Variants in CRYBG3 observed in about 807,000 individuals in gnomAD.
The protein encoded by CRYBG3 is crystallin beta-gamma domain containing 3.
Under a neutral mutation model 244.2 loss-of-function variants are expected in CRYBG3, and 127 were observed. The ratio of observed to expected loss-of-function variants is 0.52; its 90% CI spans 0.45 to 0.60. The LOEUF is 0.60. Ranked by LOEUF, CRYBG3 falls within the 20% of genes least tolerant of loss-of-function variation. The pLI is 0.00. For missense variants in CRYBG3, 3,325 were observed against 3,442.5 expected (o/e 0.97, Z 0.85); for synonymous variants, 1,132 against 1,195.8 (o/e 0.95, Z 1.10).
chr3:97,935,679 A>C (rs1267326856), intron 18 of CRYBG3, among the ~76,000 whole-genome samples: 3 of 152,030 alleles, frequency 2.0e-5, no homozygotes, highest in African/African-American at 7.2e-5. Context: ...TTTAATCTGG[A>C]AAATCGAGGG....
rs1198884731 is a variant in CRYBG3 at position 97,881,179 on chromosome 3, A to G, written c.7112A>G (p.Gln2371Arg). 1.2e-6 allele frequency: 2 copies of G among 1,611,022 alleles called. No homozygotes were observed. Among genetic ancestry groups the G allele is most frequent in the Non-Finnish European group, 1.7e-6 (2 of 1,178,544 alleles). ...DWILQNRRHPQRNFILGSLKR... is the reference protein window; with the variant it reads ...DWILQNRRHPRRNFILGSLKR... ...ATTCTTCAGAACAGAAGGCATCCAC[A>G]AAGAAACTTTATATTGGGTTCTCTC... Residue 2371 changes from glutamine to arginine, a missense_variant, in exon 7 of 22, where the codon CAA (glutamine) becomes CGA (arginine). Coordinates refer to ENST00000389622, the MANE Select transcript of CRYBG3 (RefSeq NM_153605.4).
At chr3:97,897,225 A>G (rs2039649542) in intron 12 of CRYBG3, among the ~76,000 whole-genome samples, 1 of 151,994 alleles carries the variant, frequency 6.6e-6, no homozygotes, top group South Asian at 2.1e-4. Context: ...TAATGGATAC[A>G]TAAGATCTCC....
Position 97,872,714 on chromosome 3 carries a change from T to A in CRYBG3, c.1520T>A (p.Val507Glu). 1 of 1,535,952 alleles carries A rather than the reference T, an allele frequency of 6.5e-7. No homozygotes were observed. The highest frequency in any genetic ancestry group is 8.7e-7 in the Non-Finnish European group (1 of 1,146,812). ...QRHAVTDTEF[V>E]NEGKRLSAQD... ...CATGCTGTGACAGACACAGAATTTG[T>A]AAATGAAGGAAAGAGATTGTCTGCC... The change falls in exon 4 of 22, where the codon GTA (valine) becomes GAA (glutamate). Residue 507 changes from valine (V) to glutamate (E), a missense_variant. Transcript: ENST00000389622.
chr3:97,941,286 C>G lies in CRYBG3; in HGVS notation c.8644C>G (p.Arg2882Gly), dbSNP rs538222856. ...GAATACTCAGATCTGGTACTACTGC[C>G]GAGGACTCTTTAAATCCAAGGTAAG... ...GKNTQIWYYCRGLFKSKASDT... is the reference protein window; with the variant it reads ...GKNTQIWYYCGGLFKSKASDT... Residue 2882 changes from arginine to glycine, a missense_variant, in exon 20 of 22, where the codon CGA becomes GGA. Arg to Gly is a moderately radical substitution (Grantham distance 125). Around this residue, in one of 4 missense-constraint regions of CRYBG3, gnomAD observed 714 missense variants for 803.6 expected, o/e 0.89. Coordinates refer to ENST00000389622, the MANE Select transcript of CRYBG3 (RefSeq NM_153605.4). The G allele has an allele frequency of 1.2e-6, 2 of 1,608,620 alleles. No individual in the cohort carries two copies. The highest frequency in any genetic ancestry group is 1.1e-5 in the South Asian group (1 of 90,472).
rs1381601985 is a variant in CRYBG3 at position 97,915,712 on chromosome 3, C to T, written c.8217C>T (p.Val2739=). The change falls in exon 17 of 22, where the codon GTC becomes GTT. Residue 2739 remains valine, a synonymous_variant. Coordinates refer to ENST00000389622, the MANE Select transcript of CRYBG3 (RefSeq NM_153605.4). ...CCTGCGGTTGCCCAGCATCTAAAGT[C>T]AAATCTCTCAAGCCCATTGACTATG... The part of the protein sequence containing the change: ...LTSCGCPASK[V]KSLKPIDYVF... 8.7e-6 allele frequency: 14 copies of T among 1,612,040 alleles called. No homozygotes were observed. The highest frequency in any genetic ancestry group is 1.2e-5 in the Non-Finnish European group (14 of 1,178,636).
chr3:97,883,796 T>G (rs2039477383), intron 7 of CRYBG3, among the ~76,000 whole-genome samples: 1 of 152,224 alleles, frequency 6.6e-6, no homozygotes, highest in Non-Finnish European at 1.5e-5. Context: ...AACTGCTTCC[T>G]TTTTCCAACG....
At chr3:97,871,668 A>G (rs193169792) in intron 3 of CRYBG3, among the ~76,000 whole-genome samples, 174 bp from the exon 4 acceptor site, 1 of 152,196 alleles carries the variant, frequency 6.6e-6, no homozygotes, top group African/African-American at 2.4e-5. Flanking sequence ...CTACTTGTTA[A>G]ATTTTTATTA....
At chr3:97,898,232 A>G (rs1243167590) in intron 12 of CRYBG3, among the ~76,000 whole-genome samples, 4 of 151,928 alleles carry the variant, frequency 2.6e-5, no homozygotes, top group East Asian at 1.9e-4. Flanking sequence ...AAAAAAAAAA[A>G]AAAGAAAGAA....
chr3:97,924,773 AT>A (rs1403474756), intron 17 of CRYBG3, among the ~76,000 whole-genome samples: 6 of 152,034 alleles, frequency 3.9e-5, no homozygotes, highest in African/African-American at 1.4e-4. Flanking sequence ...AATCTAGATG[AT>A]TGTGCCTATC....
chr3:97,916,339 TC>T (rs2039928884), intron 17 of CRYBG3, among the ~76,000 whole-genome samples: 1 of 152,172 alleles, frequency 6.6e-6, no homozygotes, highest in Non-Finnish European at 1.5e-5. Context: ...CCAGGGCCTT[TC>T]TGTCTGGTGT....
At chr3:97,883,768 A>C (rs1218415726) in intron 7 of CRYBG3, among the ~76,000 whole-genome samples, 2 of 152,188 alleles carry the variant, frequency 1.3e-5, no homozygotes, top group Admixed American at 6.5e-5. Flanking sequence ...TATTTTACAA[A>C]GTAATAATTA....
At position 97,912,260 on chromosome 3, in the gene CRYBG3, A is replaced by G. The variant is rs762548771; in HGVS notation, c.8098A>G (p.Lys2700Glu). ...GACTTCACTCATGCCATGTTCTTTT[A>G]AAGTTCTTCGAGGTTGGTAAGTATG... ...DLTSLMPCSF[K>E]VLRGCWLLYY... Residue 2700 changes from lysine (K) to glutamate (E), a missense_variant, in exon 16 of 22, where the codon AAA becomes GAA. Lys to Glu is a moderately conservative substitution (Grantham distance 56). Coordinates refer to ENST00000389622, the MANE Select transcript of CRYBG3 (RefSeq NM_153605.4). 3.1e-6 allele frequency: 5 copies of G among 1,595,208 alleles called. No individual in the cohort carries two copies. In the South Asian group the frequency reaches 5.6e-5, roughly 18 times the overall value.
intron 15 of CRYBG3, among the ~76,000 whole-genome samples, chr3:97,906,040 A>G (rs2039770525): frequency 7.0e-6 from 1 of 143,850 alleles, no homozygotes; most frequent in African/African-American, 2.5e-5. Flanking sequence ...GGTTTGTCAA[A>G]GATCAGATAG....
intron 11 of CRYBG3, among the ~76,000 whole-genome samples, chr3:97,895,085 C>T (rs970980271): frequency 6.6e-5 from 10 of 152,046 alleles, no homozygotes; most frequent in Non-Finnish European, 2.9e-5. Context: ...TTGTCAAGCT[C>T]CTGAATTTCA....
In CRYBG3 at chr3:97,873,028, A is replaced by G; in HGVS notation, c.1834A>G (p.Lys612Glu). Residue 612 changes from lysine to glutamate, a missense_variant, in exon 4 of 22, where the codon AAA becomes GAA. By Grantham distance (56) the Lys-to-Glu change is moderately conservative. Transcript: ENST00000389622. Reference sequence around the variant, plus strand: ...AGGAAATGAAAATGCACCTGAGTTGAAATTTGAACTTAATAGAAGTCACAT... The same window carrying G: ...AGGAAATGAAAATGCACCTGAGTTGGAATTTGAACTTAATAGAAGTCACAT... ...SLGNENAPEL[K>E]FELNRSHISE... The G allele has an allele frequency of 6.5e-7, 1 of 1,535,748 alleles. No individual in the cohort carries two copies. Among genetic ancestry groups the G allele is most frequent in the Non-Finnish European group, 8.7e-7 (1 of 1,146,770 alleles).
At chr3:97,894,289 A>T (rs1237588286) in intron 11 of CRYBG3, among the ~76,000 whole-genome samples, 2 of 152,182 alleles carry the variant, frequency 1.3e-5, no homozygotes, top group African/African-American at 4.8e-5. Context: ...GTTTTTTTTT[A>T]AATAGCTATT....
chr3:97,933,903 A>G (rs2040127108), intron 18 of CRYBG3, 70 bp downstream of exon 18: 1 of 1,387,582 alleles, frequency 7.2e-7, no homozygotes, highest in Admixed American at 1.8e-5. Flanking sequence ...GTTGCAAACC[A>G]AGTCCACTGT....
chr3:97,940,468 T>C (rs895257763), intron 19 of CRYBG3, among the ~76,000 whole-genome samples: 2 of 152,076 alleles, frequency 1.3e-5, no homozygotes, highest in African/African-American at 4.8e-5. Flanking sequence ...ACATACTACG[T>C]GTTCAATAAA....
At position 97,873,616 on chromosome 3, in the gene CRYBG3, A is replaced by G; in HGVS notation, c.2422A>G (p.Lys808Glu). ...GTCTGATTCTCTTTCCTTGGAAGCC[A>G]AAACTGCTAACATTGTATCAAAAGC... is the stretch of plus-strand genomic sequence containing the variant. Reference protein sequence around the residue: ...EKSDSLSLEAKTANIVSKAEI... With the variant: ...EKSDSLSLEAETANIVSKAEI... Residue 808 changes from lysine to glutamate, a missense_variant, in exon 4 of 22, where the codon AAA (lysine) becomes GAA (glutamate). Lys to Glu is a moderately conservative substitution (Grantham distance 56). This residue lies in a region of CRYBG3 where 1,526 missense variants were observed against 1,443.2 expected (regional missense o/e 1.06). Coordinates refer to ENST00000389622, the MANE Select transcript of CRYBG3 (RefSeq NM_153605.4). 6.5e-7 allele frequency: 1 copy of G among 1,534,540 alleles called. No individual in the cohort carries two copies. Among genetic ancestry groups the G allele is most frequent in the East Asian group, 2.4e-5 (1 of 40,902 alleles).
Sources: allele counts gnomAD v4.1 joint callset (sites outside exome capture counted in the v4.1 genomes callset), GRCh38; gene constraint gnomAD v4.1.1; regional missense constraint gnomAD v4.1.1; transcripts MANE v1.5; gene names NCBI Gene and HGNC (gene_info 2026-07-23, HGNC 2026-07-21).